The following FLNB variants were observed in gnomAD, a reference collection of about 807,000 sequenced individuals.
FLNB encodes the protein filamin B, also known as filamin-B.
A neutral mutation model predicts 250.6 loss-of-function variants in FLNB; 111 were observed. The ratio of observed to expected loss-of-function variants is 0.44; its 90% CI spans 0.38 to 0.52. The LOEUF is 0.52. Ranked by LOEUF, FLNB falls within the 20% of genes least tolerant of loss-of-function variation. The pLI, the probability that FLNB is intolerant of heterozygous loss-of-function variation, is 0.00. For missense variants in FLNB, 2,869 were observed against 3,447.8 expected (o/e 0.83, Z 4.20); for synonymous variants, 1,302 against 1,372.1 (o/e 0.95, Z 1.13).
chr3:58,073,176 T>TTTAC (rs1553690623), intron 1 of FLNB, among the ~76,000 whole-genome samples: 1 of 151,684 alleles, frequency 6.6e-6, no homozygotes, highest in Non-Finnish European at 1.5e-5. Flanking sequence ...TATTTATTTA[T>TTTAC]TTACTTATTT....
chr3:58,102,291 C>T lies in FLNB; in HGVS notation c.1434C>T (p.Asp478=). ...RIRETTDFKV[D]TKAAGSGELG... ...GGGAGACCACAGATTTCAAGGTTGA[C>T]ACCAAAGCTGCAGGAAGTGGGGAGC... The change falls in exon 9 of 46, where the codon GAC becomes GAT. Residue 478 remains aspartate (D), a synonymous_variant. Coordinates refer to ENST00000295956, the MANE Select transcript of FLNB (RefSeq NM_001457.4). 6.2e-7 allele frequency: 1 copy of T among 1,614,196 alleles called. No homozygotes were observed. Among genetic ancestry groups the T allele is most frequent in the Non-Finnish European group, 8.5e-7 (1 of 1,180,016 alleles).
chr3:58,104,798 A>C (rs2097256960), intron 10 of FLNB, among the ~76,000 whole-genome samples: 1 of 152,214 alleles, frequency 6.6e-6, no homozygotes, highest in Non-Finnish European at 1.5e-5. Flanking sequence ...GGAGGCCTGC[A>C]CACAAAGGTA....
At chr3:58,034,882 A>C (rs2097135895) in intron 1 of FLNB, among the ~76,000 whole-genome samples, 1 of 152,088 alleles carries the variant, frequency 6.6e-6, no homozygotes, top group African/African-American at 2.4e-5. Flanking sequence ...GCGGGCCCTG[A>C]TCCCAGCAGT....
At chr3:58,067,866 C>T (rs1175391631) in intron 1 of FLNB, among the ~76,000 whole-genome samples, 3 of 152,148 alleles carry the variant, frequency 2.0e-5, no homozygotes, top group Non-Finnish European at 2.9e-5. Flanking sequence ...TGAGCCACCA[C>T]GCCTGGCCAG....
Position 58,169,437 on chromosome 3 carries a change from CATT to C in FLNB, c.7418-150_7418-148del. 1 of 702,378 alleles carries C rather than the reference CATT, an allele frequency of 1.4e-6. No individual in the cohort carries two copies. 43.5% of individuals were successfully genotyped at this position (702,378 alleles called of 1,614,324 possible). On this transcript the variant is annotated intron_variant, in intron 44 of 45. Coordinates refer to ENST00000295956, the MANE Select transcript of FLNB (RefSeq NM_001457.4). The surrounding 1 kb of genome is among the most constrained non-coding windows in gnomAD (Gnocchi z 4.8). The stretch of plus-strand genomic sequence containing the variant: ...GGTGGGATCCTAGGGGTTTAGAAGA[CATT>C]ATGGGTGTGAGATACAGGTGTGGTG...
chr3:58,069,310 G>T (rs903527893), intron 1 of FLNB, among the ~76,000 whole-genome samples: 1 of 147,272 alleles, frequency 6.8e-6, no homozygotes, highest in African/African-American at 2.5e-5. Flanking sequence ...AGTGATTTCG[G>T]CTCACTGAGA....
At chr3:58,028,313 G>A (rs1187807258) in intron 1 of FLNB, among the ~76,000 whole-genome samples, 1 of 152,100 alleles carries the variant, frequency 6.6e-6, no homozygotes, top group Non-Finnish European at 1.5e-5. Context: ...AGGCTGCAGG[G>A]GTTTAATAGG....
chr3:58,109,099 G>A lies in FLNB; in HGVS notation c.2056-80G>A, dbSNP rs1051423311. On this transcript the variant is annotated intron_variant, in intron 13 of 45. Transcript: ENST00000295956. Reference sequence around the variant, plus strand: ...TGTATAAGCAAGTGGTGACTTGGCTGTCTTGGGAGGCCACAGTGACCCTGT... The same window carrying A: ...TGTATAAGCAAGTGGTGACTTGGCTATCTTGGGAGGCCACAGTGACCCTGT... 103 of 1,578,618 alleles carry A rather than the reference G, an allele frequency of 6.5e-5. 1 individual carries two copies. Among genetic ancestry groups the A allele is most frequent in the Non-Finnish European group, 6.1e-6 (7 of 1,149,542 alleles).
intron 1 of FLNB, among the ~76,000 whole-genome samples, chr3:58,037,294 A>G (rs2097139455): frequency 6.6e-6 from 1 of 152,048 alleles, no homozygotes; most frequent in African/African-American, 2.4e-5. Context: ...GGAACTCCTG[A>G]CCTCAGGCCA....
chr3:58,046,991 T>G (rs2097155318), intron 1 of FLNB, among the ~76,000 whole-genome samples: 1 of 152,258 alleles, frequency 6.6e-6, no homozygotes, highest in Non-Finnish European at 1.5e-5. Context: ...TGTTGGAATG[T>G]GTAGGATTTG....
At position 58,153,699 on chromosome 3, in the gene FLNB, T is replaced by C; in HGVS notation, c.6634+58T>C. 3.8e-6 allele frequency: 6 copies of C among 1,598,438 alleles called. 1 individual carries two copies. The South Asian group carries it at 6.7e-5, about 18-fold the overall frequency. ...AGAATAGAGTTGAGCCCAGGCAGTG[T>C]GGGCACCCACATACTTTTTTGCCCC... On this transcript the variant is annotated intron_variant, in intron 39 of 45. Coordinates refer to ENST00000295956, the MANE Select transcript of FLNB (RefSeq NM_001457.4).
intron 36 of FLNB, chr3:58,149,621 A>G: frequency 1.7e-6 from 1 of 595,184 alleles, no homozygotes; most frequent in Non-Finnish European, 3.0e-6. Context: ...CCTTAAGGAA[A>G]GGCTTCTGTG....
chr3:58,126,478 G>A, intron 23 of FLNB, 124 bp from the exon 24 acceptor site: 1 of 806,580 alleles, frequency 1.2e-6, no homozygotes, highest in Non-Finnish European at 2.1e-6. Flanking sequence ...TGTGAGAGGT[G>A]TAGTAATTGA....
At chr3:58,083,449 C>A (rs2097212273) in intron 4 of FLNB, among the ~76,000 whole-genome samples, 1 of 150,442 alleles carries the variant, frequency 6.6e-6, no homozygotes, top group East Asian at 1.9e-4. Flanking sequence ...TCACTGCAAC[C>A]TCTGCCTCCT....
chr3:58,117,556 G>A (rs2097280647), intron 18 of FLNB, among the ~76,000 whole-genome samples: 1 of 152,168 alleles, frequency 6.6e-6, no homozygotes, highest in African/African-American at 2.4e-5. Flanking sequence ...CGGAAGCTCG[G>A]GAAGAGTTGG....
At chr3:58,127,227 T>C (rs1049035386) in intron 24 of FLNB, among the ~76,000 whole-genome samples, 1 of 151,304 alleles carries the variant, frequency 6.6e-6, no homozygotes, top group African/African-American at 2.4e-5. Flanking sequence ...GGGTGGGGGC[T>C]GTGATGGGAC....
rs527717675 is a variant in FLNB, at chr3:58,074,033, C to T, written c.293-3013C>T. ...GGTCATGGGAGTAATAGCCCGTCAC[C>T]TCTGCCATTTTTCTGTTGGTTAGAA... On this transcript the variant is annotated intron_variant, in intron 1 of 45. Transcript: ENST00000295956. 9.8e-5 allele frequency among the ~76,000 whole-genome samples: 15 copies of T among 152,336 alleles called. No homozygotes were observed. In the South Asian group the frequency reaches 2.9e-3, roughly 29 times the overall value.
chr3:58,083,932 C>A (rs950826949), intron 4 of FLNB, among the ~76,000 whole-genome samples: 13 of 151,992 alleles, frequency 8.6e-5, no homozygotes, highest in Admixed American at 8.5e-4. Context: ...TGGTGGCTCA[C>A]ACCTGTAATC....
At position 58,169,972 on chromosome 3, in the gene FLNB, TTC is replaced by T. The variant is rs2097379075; in HGVS notation, c.7621+183_7621+184del. Among the ~76,000 whole-genome samples the T allele has an allele frequency of 3.3e-5, 5 of 152,342 alleles. No individual in the cohort carries two copies. The highest frequency in any genetic ancestry group is 3.3e-4 in the Admixed American group (5 of 15,306). ...CACTTAATATTTTTAAATGATTTCC[TTC>T]TCTTTTGCCTTTTGAACTTGGGTAT... is the stretch of plus-strand genomic sequence containing the variant. On this transcript the variant is annotated intron_variant, in intron 45 of 45. Transcript: ENST00000295956. The surrounding 1 kb of genome is among the most constrained non-coding windows in gnomAD (Gnocchi z 4.8).
Sources: allele counts gnomAD v4.1 joint callset (sites outside exome capture counted in the v4.1 genomes callset), GRCh38; gene constraint gnomAD v4.1.1; non-coding constraint Gnocchi (gnomAD v3.1); transcripts MANE v1.5; gene names NCBI Gene and HGNC (gene_info 2026-07-23, HGNC 2026-07-21).